KCTD16: variants seen among roughly 807,000 people sequenced by gnomAD.
KCTD16 encodes the protein potassium channel tetramerization domain containing 16, also known as BTB/POZ domain-containing protein KCTD16.
In KCTD16, 13 loss-of-function variants were observed where a neutral mutation model predicts 33.2. The observed-to-expected ratio is 0.39, with a 90% CI of 0.25 to 0.62. KCTD16 has a LOEUF of 0.62. Among genes scored for constraint, KCTD16 ranks in the 20% least tolerant of loss-of-function variants. The pLI is 0.50. For missense variants in KCTD16, 441 were observed against 525.1 expected, an observed-to-expected ratio of 0.84 and a Z score of 1.57; for synonymous variants, 197 against 195.3, an observed-to-expected ratio of 1.01 and a Z score of -0.07.
chr5:144,441,454 T>C (rs1224710139), intron 3 of KCTD16, among the ~76,000 whole-genome samples: 1 of 152,146 alleles, frequency 6.6e-6, no homozygotes, highest in Non-Finnish European at 1.5e-5. Flanking sequence ...ATACTTTAAG[T>C]TTTGGGGTAC....
chr5:144,201,062 T>G (rs1226346525), intron 2 of KCTD16, among the ~76,000 whole-genome samples: 1 of 152,178 alleles, frequency 6.6e-6, no homozygotes, highest in Non-Finnish European at 1.5e-5. Context: ...ACTTTAAATT[T>G]TTTCCCCCAT....
intron 3 of KCTD16, among the ~76,000 whole-genome samples, chr5:144,286,038 T>C (rs1755736523): frequency 6.6e-6 from 1 of 152,032 alleles, no homozygotes; most frequent in Non-Finnish European, 1.5e-5. Context: ...GAAAGTTTTT[T>C]ATTTTGTTTT....
Position 144,485,046 on chromosome 5 carries a change from A to C in KCTD16, c.*10932A>C, listed in dbSNP as rs1376183636. 2.6e-5 allele frequency: 4 copies of C among 151,968 alleles called. No individual in the cohort carries two copies. The highest frequency in any genetic ancestry group is 9.7e-5 in the African/African-American group (4 of 41,432). 9.4% of individuals were successfully genotyped at this position (151,968 alleles called of 1,614,324 possible). A position where few individuals can be genotyped will look rare whatever the true frequency, so the allele number is the denominator to read the frequency against. ...TCAGCAGCTCAGTTATTCAGCAAAA[A>C]GTCTGCAGTCTGTGAATAGCAAATA... On this transcript the variant is annotated 3_prime_UTR_variant, in exon 4 of 4. Coordinates refer to ENST00000512467, the MANE Select transcript of KCTD16 (RefSeq NM_020768.4).
At position 144,448,032 on chromosome 5, in the gene KCTD16, T is replaced by A. The variant is rs563236626; in HGVS notation, c.833-25628T>A. On this transcript the variant is annotated intron_variant, in intron 3 of 3. Transcript: ENST00000512467. ...AAGGGCCTTTACAATCTGATCTGGC[T>A]CTTTTCTGCTCCATCTCTCTATTGT... Among the ~76,000 whole-genome samples the A allele has an allele frequency of 6.6e-5, 10 of 151,134 alleles. No individual in the cohort carries two copies. In the East Asian group the frequency reaches 1.7e-3, roughly 26 times the overall value.
chr5:144,409,089 T>C (rs1447007367), intron 3 of KCTD16, among the ~76,000 whole-genome samples: 1 of 152,184 alleles, frequency 6.6e-6, no homozygotes, highest in African/African-American at 2.4e-5. Context: ...CTAGCACATG[T>C]AAATGTTTAA....
At chr5:144,428,624 A>G (rs199698937) in intron 3 of KCTD16, among the ~76,000 whole-genome samples, 1 of 152,146 alleles carries the variant, frequency 6.6e-6, no homozygotes, top group Non-Finnish European at 1.5e-5. Context: ...TTCTTTATGT[A>G]CTCTGTGAAT....
chr5:144,188,221 A>T (rs959307633), intron 2 of KCTD16, among the ~76,000 whole-genome samples: 2 of 152,096 alleles, frequency 1.3e-5, no homozygotes, highest in African/African-American at 4.8e-5. Flanking sequence ...TGATCCTTCT[A>T]TGTGTATTGT....
chr5:144,438,967 G>C (rs1171073404), intron 3 of KCTD16, among the ~76,000 whole-genome samples: 1 of 151,964 alleles, frequency 6.6e-6, no homozygotes, highest in African/African-American at 2.4e-5. Context: ...CTCTTTGGAA[G>C]ATTCATATAT....
At chr5:144,203,834 T>G (rs1753099405) in intron 2 of KCTD16, among the ~76,000 whole-genome samples, 1 of 152,224 alleles carries the variant, frequency 6.6e-6, no homozygotes, top group South Asian at 2.1e-4. Context: ...CAAGTAAACT[T>G]AGATCACTAT....
intron 3 of KCTD16, among the ~76,000 whole-genome samples, chr5:144,418,542 A>G (rs1355949259): frequency 2.6e-5 from 4 of 152,208 alleles, no homozygotes; most frequent in African/African-American, 9.6e-5. Context: ...CACCGGACCC[A>G]GAAGCCTAGC....
At chr5:144,264,070 A>G (rs1027546380) in intron 3 of KCTD16, among the ~76,000 whole-genome samples, 3 of 152,216 alleles carry the variant, frequency 2.0e-5, no homozygotes, top group Non-Finnish European at 2.9e-5. Context: ...CAGCATATGA[A>G]TTTCAAAAAA....
chr5:144,390,611 G>T (rs946403936), intron 3 of KCTD16, among the ~76,000 whole-genome samples: 3 of 151,972 alleles, frequency 2.0e-5, no homozygotes, highest in African/African-American at 7.3e-5. Flanking sequence ...ATGTGCCATG[G>T]TGGTTTGCTG....
intron 3 of KCTD16, among the ~76,000 whole-genome samples, chr5:144,363,553 G>A (rs777380782): frequency 1.5e-4 from 23 of 151,732 alleles, no homozygotes; most frequent in Non-Finnish European, 2.6e-4. Context: ...TTTTGTGACA[G>A]ATTCTCCCCT....
intron 3 of KCTD16, among the ~76,000 whole-genome samples, chr5:144,428,869 G>C (rs958615913): frequency 1.3e-5 from 2 of 152,180 alleles, no homozygotes; most frequent in African/African-American, 2.4e-5. Context: ...CTTAATAATT[G>C]TTTTGGGTGT....
intron 3 of KCTD16, among the ~76,000 whole-genome samples, chr5:144,333,484 T>C (rs999367269): frequency 5.3e-5 from 8 of 152,148 alleles, no homozygotes; most frequent in Non-Finnish European, 8.8e-5. Context: ...CCTGAGAGTG[T>C]GTAGCTTGGC....
intron 2 of KCTD16, among the ~76,000 whole-genome samples, chr5:144,176,665 G>A (rs1023187916): frequency 7.3e-5 from 11 of 151,362 alleles, no homozygotes; most frequent in Non-Finnish European, 1.6e-4. Context: ...GCCTCCCAAA[G>A]TGCTGGGATT....
chr5:144,413,885 T>A (rs1752987449), intron 3 of KCTD16, among the ~76,000 whole-genome samples: 1 of 152,218 alleles, frequency 6.6e-6, no homozygotes, highest in South Asian at 2.1e-4. Context: ...CAGGTTCTGG[T>A]TTGAAGTCTG....
chr5:144,465,254 C>T (rs1291639552), intron 3 of KCTD16, among the ~76,000 whole-genome samples: 1 of 136,744 alleles, frequency 7.3e-6, no homozygotes, highest in East Asian at 2.4e-4. Flanking sequence ...GGCATGTGAT[C>T]ATATTTCAGG....
intron 3 of KCTD16, among the ~76,000 whole-genome samples, chr5:144,413,476 C>T (rs916486366): frequency 3.9e-5 from 6 of 152,156 alleles, no homozygotes; most frequent in South Asian, 2.1e-4. Context: ...CATTCATTTA[C>T]GAACTAGTCT....
Sources: gnomAD v4.1 joint callset for allele counts (sites outside exome capture counted in the v4.1 genomes callset) on GRCh38, gnomAD v4.1.1 for gene constraint, MANE v1.5 for transcripts, NCBI Gene and HGNC (gene_info 2026-07-23, HGNC 2026-07-21) for gene names.